Variants in FAT3 observed in about 807,000 individuals in gnomAD.
FAT3 encodes the protein FAT atypical cadherin 3, also known as protocadherin Fat 3.
In FAT3, 95 loss-of-function variants were observed where a neutral mutation model predicts 310.2. The ratio of observed to expected loss-of-function variants is 0.31; its 90% CI spans 0.26 to 0.36. FAT3 has a LOEUF of 0.36. Among genes scored for constraint, FAT3 ranks in the 10% least tolerant of loss-of-function variants. The probability of loss-of-function intolerance (pLI) is 1.00; values close to 1 mark genes in which losing one functional copy is unlikely to be tolerated. For synonymous variants in FAT3, 2,314 were observed against 2,192.9 expected (o/e 1.06, Z -1.54); for missense variants, 5,408 against 5,715.6 (o/e 0.95, Z 1.74).
intron 22 of FAT3, among the ~76,000 whole-genome samples, chr11:92,875,484 T>C (rs1250997756): frequency 1.3e-5 from 2 of 151,194 alleles, no homozygotes; most frequent in East Asian, 2.0e-4. Context: ...GCCTCTTCTA[T>C]AGCGTGCTTC....
At chr11:92,719,865 G>A (rs1348964610) in intron 4 of FAT3, among the ~76,000 whole-genome samples, 1 of 152,026 alleles carries the variant, frequency 6.6e-6, no homozygotes, top group Non-Finnish European at 1.5e-5. Flanking sequence ...AAATATTCAA[G>A]TAAGACTGTT....
At chr11:92,271,936 A>G (rs1021730709) in intron 1 of FAT3, among the ~76,000 whole-genome samples, 5 of 152,140 alleles carry the variant, frequency 3.3e-5, no homozygotes, top group Admixed American at 2.0e-4. Context: ...GAATAAGTCT[A>G]TACTGATTCC....
chr11:92,799,536 C>G lies in FAT3; in HGVS notation c.6523C>G (p.Pro2175Ala). The change falls in exon 10 of 28, where the codon CCC becomes GCC. Residue 2175 changes from proline to alanine, a missense_variant. By Grantham distance (27) the Pro-to-Ala change is conservative. This residue lies in a region of FAT3 where 4,588 missense variants were observed against 4,809.8 expected (regional missense o/e 0.95). Transcript: ENST00000525166. ...KPSLSTSVELPITIVNKAMPV... is the reference protein window; with the variant it reads ...KPSLSTSVELAITIVNKAMPV... ...TTCTTTGTCTACATCTGTGGAGCTTCCCATCACTATTGTCAACAAAGCAAT... is the reference window on the plus strand; with the variant it reads ...TTCTTTGTCTACATCTGTGGAGCTTGCCATCACTATTGTCAACAAAGCAAT... The G allele has an allele frequency of 1.9e-6, 3 of 1,613,744 alleles. No individual in the cohort carries two copies. In the South Asian group the frequency reaches 3.3e-5, roughly 18 times the overall value.
intron 1 of FAT3, among the ~76,000 whole-genome samples, chr11:92,237,278 C>T (rs568404323): frequency 4.6e-5 from 7 of 152,120 alleles, no homozygotes; most frequent in African/African-American, 1.2e-4. Flanking sequence ...TGCAGATTTC[C>T]GGGCAGGCTG....
intron 11 of FAT3, 110 bp downstream of exon 11, chr11:92,805,459 T>A (rs1001933054): frequency 1.5e-5 from 18 of 1,191,886 alleles, no homozygotes; most frequent in Non-Finnish European, 1.2e-6. Context: ...TTATCTGCAA[T>A]TGGGTGTGGG....
At chr11:92,259,952 C>T (rs1865475430) in intron 1 of FAT3, among the ~76,000 whole-genome samples, 1 of 152,040 alleles carries the variant, frequency 6.6e-6, no homozygotes, top group Non-Finnish European at 1.5e-5. Context: ...ACTGAGTTTG[C>T]CCTCAAGTCT....
At chr11:92,328,184 C>T (rs1332943368) in intron 1 of FAT3, among the ~76,000 whole-genome samples, 1 of 152,154 alleles carries the variant, frequency 6.6e-6, no homozygotes. Flanking sequence ...CTCTTGCCCT[C>T]CTGCTTCCAA....
chr11:92,333,372 C>A (rs966955390), intron 1 of FAT3, among the ~76,000 whole-genome samples: 1 of 152,140 alleles, frequency 6.6e-6, no homozygotes, highest in African/African-American at 2.4e-5. Context: ...TAATTTAATT[C>A]TCTGACTTAC....
intron 22 of FAT3, among the ~76,000 whole-genome samples, chr11:92,870,738 A>T (rs188430188): frequency 7.0e-4 from 107 of 152,328 alleles, no homozygotes; most frequent in African/African-American, 2.5e-3. Context: ...GCAGCATGGC[A>T]TGAAACCAGA....
At chr11:92,562,383 T>C (rs1955258749) in intron 3 of FAT3, among the ~76,000 whole-genome samples, 1 of 152,146 alleles carries the variant, frequency 6.6e-6, no homozygotes, top group Non-Finnish European at 1.5e-5. Flanking sequence ...CCAAGATAAA[T>C]ACGTACGGAT....
intron 2 of FAT3, among the ~76,000 whole-genome samples, chr11:92,361,172 C>T (rs1263661515): frequency 6.6e-6 from 1 of 152,124 alleles, no homozygotes; most frequent in Non-Finnish European, 1.5e-5. Flanking sequence ...GGAGTACTCA[C>T]TATCTGGGAT....
intron 1 of FAT3, among the ~76,000 whole-genome samples, chr11:92,266,783 G>A (rs542135557): frequency 6.6e-6 from 1 of 152,260 alleles, no homozygotes; most frequent in South Asian, 2.1e-4. Flanking sequence ...TTTGCCAGAA[G>A]TTTTATGGAA....
intron 7 of FAT3, among the ~76,000 whole-genome samples, chr11:92,782,645 A>G (rs553607659): frequency 6.6e-6 from 1 of 152,240 alleles, no homozygotes; most frequent in South Asian, 2.1e-4. Context: ...GAGATTAAAA[A>G]GCTCTTTCAG....
At position 92,774,064 on chromosome 11, in the gene FAT3, G is replaced by C; in HGVS notation, c.4219G>C (p.Asp1407His). Residue 1407 changes from aspartate to histidine, a missense_variant, in exon 7 of 28, where the codon GAT becomes CAT. Asp to His is a moderately conservative substitution (Grantham distance 81). This residue lies in a region of FAT3 where 4,588 missense variants were observed against 4,809.8 expected (regional missense o/e 0.95). Coordinates refer to ENST00000525166, the MANE Select transcript of FAT3 (RefSeq NM_001367949.2). Reference protein sequence around the residue: ...IVGGNFDSAFDAEKGVGTIVI... With the variant: ...IVGGNFDSAFHAEKGVGTIVI... The stretch of plus-strand genomic sequence containing the variant: ...AGGGGGGAATTTTGACAGCGCTTTT[G>C]ATGCAGAGAAGGGTGTTGGGACAAT... The C allele has an allele frequency of 6.2e-7, 1 of 1,613,160 alleles. No individual in the cohort carries two copies. The highest frequency in any genetic ancestry group is 8.5e-7 in the Non-Finnish European group (1 of 1,179,548).
At chr11:92,654,066 A>G (rs1049167762) in intron 3 of FAT3, among the ~76,000 whole-genome samples, 1 of 152,210 alleles carries the variant, frequency 6.6e-6, no homozygotes, top group African/African-American at 2.4e-5. Flanking sequence ...TAGCTTAACT[A>G]TCTTTCTTTG....
rs1377792379 is a variant in FAT3 at position 92,894,766 on chromosome 11, T to TA, written c.*3653_*3654insA. 2.0e-5 allele frequency: 3 copies of TA among 152,148 alleles called. No homozygotes were observed. The highest frequency in any genetic ancestry group is 7.2e-5 in the African/African-American group (3 of 41,444). The allele number at this position is 152,148 out of a possible 1,614,324, so 9.4% of individuals were successfully genotyped here. A position where few individuals can be genotyped will look rare whatever the true frequency, so the allele number is the denominator to read the frequency against. ...TAAAAGACTTAGGAACATGAGTAGG[T>TA]GGTCCATGCTTTGAGGTTCATCCAA... On this transcript the variant is annotated 3_prime_UTR_variant, in exon 28 of 28. Transcript: ENST00000525166.
In FAT3 at chr11:92,412,750, TAC is replaced by T. The variant is rs1565296542; in HGVS notation, c.3292+57348_3292+57349del. 7.8e-4 allele frequency among the ~76,000 whole-genome samples: 52 copies of T among 66,972 alleles called. 8 individuals carry two copies. The highest frequency in any genetic ancestry group is 3.0e-3 in the African/African-American group (39 of 12,920). 43.9% of individuals were successfully genotyped at this position (66,972 alleles called of 152,430 possible). On this transcript the variant is annotated intron_variant, in intron 2 of 27. Coordinates refer to ENST00000525166, the MANE Select transcript of FAT3 (RefSeq NM_001367949.2). Reference sequence around the variant, plus strand: ...ATATATATATATATATATATAAATATACATACATATATATATATTTAATGTAA... The same window carrying T: ...ATATATATATATATATATATAAATATATACATATATATATATTTAATGTAA...
chr11:92,416,071 T>TAAAAA (rs398017104), intron 2 of FAT3, among the ~76,000 whole-genome samples: 2 of 73,900 alleles, frequency 2.7e-5, no homozygotes, highest in African/African-American at 5.3e-5. Flanking sequence ...CCTGGAAGCC[T>TAAAAA]AAAAAAAAAA....
At chr11:92,443,059 A>G (rs925915161) in intron 2 of FAT3, among the ~76,000 whole-genome samples, 10 of 152,150 alleles carry the variant, frequency 6.6e-5, no homozygotes, top group African/African-American at 1.9e-4. Context: ...TTTTGATTCT[A>G]TTTTAATTAC....
Sources: gnomAD v4.1 joint callset for allele counts (sites outside exome capture counted in the v4.1 genomes callset) on GRCh38, gnomAD v4.1.1 for gene constraint, gnomAD v4.1.1 regional missense constraint, MANE v1.5 for transcripts, NCBI Gene and HGNC (gene_info 2026-07-23, HGNC 2026-07-21) for gene names.